The following PLSCR4 variants were observed in gnomAD, a reference collection of about 807,000 sequenced individuals.
PLSCR4 encodes the protein Ca(2+)-dependent phospholipid scramblase 4.
PLSCR4 carries 25 observed loss-of-function variants against 36.3 expected under a neutral mutation model. That is an observed-to-expected ratio of 0.69 (90% CI 0.50 to 0.96). The LOEUF is 0.96. PLSCR4 is among the 40% of genes least tolerant of loss of function. PLSCR4 has a pLI of 0.00. For synonymous variants in PLSCR4, 122 were observed against 132.9 expected, an observed-to-expected ratio of 0.92 and a Z score of 0.56; for missense variants, 408 against 414.7, an observed-to-expected ratio of 0.98 and a Z score of 0.14.
At chr3:146,212,361 TATG>T (rs1332796355) in intron 3 of PLSCR4, among the ~76,000 whole-genome samples, 2 of 151,996 alleles carry the variant, frequency 1.3e-5, no homozygotes, top group Non-Finnish European at 2.9e-5. Flanking sequence ...ATTTCTGTAT[TATG>T]ATCTTATATC....
chr3:146,217,259 C>G (rs1222489039), intron 3 of PLSCR4, among the ~76,000 whole-genome samples: 4 of 152,140 alleles, frequency 2.6e-5, no homozygotes, highest in African/African-American at 9.7e-5. Context: ...GGTACCTAAC[C>G]TATGCAGAGA....
At position 146,194,462 on chromosome 3, in the gene PLSCR4, T is replaced by C. The variant is rs1485612815; in HGVS notation, c.946-7A>G. ...TTTCAAAATACATGAAGTCCTGAAATTGGAAAAAGAATTATATGTAGATAT... is the reference window on the plus strand; with the variant it reads ...TTTCAAAATACATGAAGTCCTGAAACTGGAAAAAGAATTATATGTAGATAT... On this transcript the variant is annotated splice_region_variant and splice_polypyrimidine_tract_variant and intron_variant, in intron 8 of 8. Transcript: ENST00000354952. 1 of 1,568,532 alleles carries C rather than the reference T, an allele frequency of 6.4e-7. No individual in the cohort carries two copies. The highest frequency in any genetic ancestry group is 8.8e-7 in the Non-Finnish European group (1 of 1,138,874).
At chr3:146,203,421 G>A (rs1290588001) in intron 4 of PLSCR4, among the ~76,000 whole-genome samples, 4 of 151,944 alleles carry the variant, frequency 2.6e-5, no homozygotes, top group Non-Finnish European at 5.9e-5. Context: ...CACGTCAGGC[G>A]TTGACTTCTA....
chr3:146,245,721 T>A (rs2036311673), intron 1 of PLSCR4, among the ~76,000 whole-genome samples: 1 of 133,408 alleles, frequency 7.5e-6, no homozygotes, highest in East Asian at 2.1e-4. Flanking sequence ...TATAAACATT[T>A]CCTCTTTAAA....
At chr3:146,243,507 C>T (rs1275854986) in intron 1 of PLSCR4, among the ~76,000 whole-genome samples, 1 of 152,128 alleles carries the variant, frequency 6.6e-6, no homozygotes, top group Non-Finnish European at 1.5e-5. Flanking sequence ...ATAGACTAAG[C>T]AACCCTAATC....
At position 146,194,435 on chromosome 3, in the gene PLSCR4, T is replaced by A. The variant is rs1361159272; in HGVS notation, c.966A>T (p.Arg322Ser). The A allele has an allele frequency of 1.2e-6, 2 of 1,605,112 alleles. No homozygotes were observed. The highest frequency in any genetic ancestry group is 1.3e-5 in the African/African-American group (1 of 74,832). The stretch of plus-strand genomic sequence containing the variant: ...TCTATCTTGAACGTTGTGGTGGAGA[T>A]CTTTCAAAATACATGAAGTCCTGAA... ...CFLIDFMYFERSPPQRSR is the reference protein window; with the variant it reads ...CFLIDFMYFESSPPQRSR The change falls in exon 9 of 9, where the codon AGA becomes AGT. Residue 322 changes from arginine (R) to serine (S), a missense_variant. Transcript: ENST00000354952.
intron 1 of PLSCR4, among the ~76,000 whole-genome samples, chr3:146,238,204 C>CAA (rs112050827): frequency 2.7e-4 from 38 of 142,018 alleles, no homozygotes; most frequent in African/African-American, 9.1e-4. Context: ...AAACTTCCCA[C>CAA]AAAAAAAAAA....
intron 1 of PLSCR4, among the ~76,000 whole-genome samples, chr3:146,224,055 A>G (rs2108300267): frequency 6.6e-6 from 1 of 151,760 alleles, no homozygotes; most frequent in Non-Finnish European, 1.5e-5. Flanking sequence ...CATATTCCTT[A>G]ATGATGGTAA....
At chr3:146,221,490 T>C (rs1206241731) in intron 2 of PLSCR4, among the ~76,000 whole-genome samples, 2 of 152,194 alleles carry the variant, frequency 1.3e-5, no homozygotes, top group African/African-American at 4.8e-5. Context: ...TCACAGTAAT[T>C]GCTGCAAGGG....
At chr3:146,249,637 CATAATT>C (rs2036472674) in intron 1 of PLSCR4, among the ~76,000 whole-genome samples, 1 of 150,034 alleles carries the variant, frequency 6.7e-6, no homozygotes, top group Non-Finnish European at 1.5e-5. Flanking sequence ...TAAAATAAGA[CATAATT>C]ATATATTTTG....
At chr3:146,194,715 C>T (rs2033618961) in intron 8 of PLSCR4, among the ~76,000 whole-genome samples, 1 of 151,976 alleles carries the variant, frequency 6.6e-6, no homozygotes, top group Admixed American at 6.6e-5. Flanking sequence ...TTGGACAACC[C>T]CAAAGAGTAC....
intron 4 of PLSCR4, among the ~76,000 whole-genome samples, chr3:146,206,172 C>T (rs1390524975): frequency 1.1e-4 from 16 of 151,972 alleles, no homozygotes; most frequent in Admixed American, 9.8e-4. Context: ...GTTTTGTTCT[C>T]TTTTGTGCTT....
chr3:146,209,712 T>G (rs2034525045), intron 3 of PLSCR4, among the ~76,000 whole-genome samples: 1 of 152,130 alleles, frequency 6.6e-6, no homozygotes, highest in Admixed American at 6.6e-5. Flanking sequence ...TATAAATAAC[T>G]GGGTCTTGGT....
In PLSCR4 at chr3:146,194,248, T is replaced by G. The variant is rs1175703094; in HGVS notation, c.*163A>C. 4 of 606,304 alleles carry G rather than the reference T, an allele frequency of 6.6e-6. No homozygotes were observed. The East Asian group carries it at 1.1e-4, about 16-fold the overall frequency. 37.6% of individuals were successfully genotyped at this position (606,304 alleles called of 1,614,324 possible). On this transcript the variant is annotated 3_prime_UTR_variant, in exon 9 of 9. Coordinates refer to ENST00000354952, the MANE Select transcript of PLSCR4 (RefSeq NM_020353.3). ...ACTCAATTGAAACACACTTTTAGAT[T>G]GTGTTCTTGCAAGCCCACTCTCAGC...
chr3:146,208,746 C>A (rs932846399), intron 3 of PLSCR4, among the ~76,000 whole-genome samples: 1 of 151,922 alleles, frequency 6.6e-6, no homozygotes, highest in African/African-American at 2.4e-5. Flanking sequence ...TGGCCATAAT[C>A]AAAAACTCAA....
At chr3:146,232,826 A>T (rs956073179) in intron 1 of PLSCR4, among the ~76,000 whole-genome samples, 1 of 152,162 alleles carries the variant, frequency 6.6e-6, no homozygotes, top group Admixed American at 6.5e-5. Flanking sequence ...GAGTACATAG[A>T]GTCATGTCTG....
rs1235055264 is a variant in PLSCR4, at chr3:146,220,742, G to A, written c.118+73C>T. On this transcript the variant is annotated intron_variant, in intron 3 of 8. Coordinates refer to ENST00000354952, the MANE Select transcript of PLSCR4 (RefSeq NM_020353.3). ...ATTAAATCAGTCAATTAATTTGTTCGCTTAAAAAGCAATTTTAATCATTAG... is the reference window on the plus strand; with the variant it reads ...ATTAAATCAGTCAATTAATTTGTTCACTTAAAAAGCAATTTTAATCATTAG... 42 of 941,956 alleles carry A rather than the reference G, an allele frequency of 4.5e-5. No individual in the cohort carries two copies. The East Asian group carries it at 7.1e-4, about 16-fold the overall frequency. 58.3% of individuals were successfully genotyped at this position (941,956 alleles called of 1,614,324 possible).
intron 1 of PLSCR4, among the ~76,000 whole-genome samples, chr3:146,238,172 G>C (rs577486051): frequency 6.6e-6 from 1 of 151,228 alleles, no homozygotes; most frequent in Admixed American, 6.6e-5. Flanking sequence ...ACTGTAATAA[G>C]AGGCTAAATT....
chr3:146,213,683 G>A (rs975104110), intron 3 of PLSCR4, among the ~76,000 whole-genome samples: 2 of 152,060 alleles, frequency 1.3e-5, no homozygotes, highest in African/African-American at 2.4e-5. Context: ...TTTAAATGAC[G>A]AATTTAATCT....
Sources: gnomAD v4.1 joint callset for allele counts (sites outside exome capture counted in the v4.1 genomes callset) on GRCh38, gnomAD v4.1.1 for gene constraint, MANE v1.5 for transcripts, NCBI Gene and HGNC (gene_info 2026-07-23, HGNC 2026-07-21) for gene names.